The following ZSCAN29 variants were observed in gnomAD, a reference collection of about 807,000 sequenced individuals.
ZSCAN29 encodes zinc finger and SCAN domain containing 29.
Under a neutral mutation model 71.9 loss-of-function variants are expected in ZSCAN29, and 55 were observed. The observed-to-expected ratio is 0.76, with a 90% confidence interval of 0.62 to 0.96. The LOEUF is 0.96. ZSCAN29 is among the 40% of genes least tolerant of loss of function. The pLI is 0.00. For synonymous variants in ZSCAN29, 351 were observed against 371.6 expected (o/e 0.94, Z 0.64); for missense variants, 1,042 against 1,042.2 (o/e 1.00, Z 0.00).
At chr15:43,363,337 G>A (rs2044001742) in intron 5 of ZSCAN29, among the ~76,000 whole-genome samples, 2 of 152,092 alleles carry the variant, frequency 1.3e-5, no homozygotes, top group Non-Finnish European at 1.5e-5. Context: ...ATTCACATAC[G>A]TACACATATA....
intron 5 of ZSCAN29, 82 bp downstream of exon 5, chr15:43,363,833 C>T (rs764342092): frequency 2.6e-5 from 35 of 1,357,992 alleles, no homozygotes; most frequent in Non-Finnish European, 3.4e-5. Flanking sequence ...GTGTAGAGGC[C>T]AGTTCTCAAT....
At position 43,360,848 on chromosome 15, in the gene ZSCAN29, A is replaced by G. The variant is rs183095976; in HGVS notation, c.*225T>C. On this transcript the variant is annotated 3_prime_UTR_variant, in exon 6 of 6. Transcript: ENST00000684362. ...GAGAGGGAAAAGATGTTATCCATCA[A>G]TTCAGATGCAGGCAAAGAGAGGGAC... is the stretch of plus-strand genomic sequence containing the variant. The G allele has an allele frequency of 3.3e-5, 18 of 552,740 alleles. No individual in the cohort carries two copies. The highest frequency in any genetic ancestry group is 7.4e-5 in the African/African-American group (4 of 53,714). 34.2% of individuals were successfully genotyped at this position (552,740 alleles called of 1,614,324 possible).
chr15:43,362,101 TA>T (rs2043988347), intron 5 of ZSCAN29, among the ~76,000 whole-genome samples, 160 bp from the exon 6 acceptor site: 1 of 152,234 alleles, frequency 6.6e-6, no homozygotes. Context: ...CCCAATGTTT[TA>T]CTTCTCTACT....
In ZSCAN29 at chr15:43,371,001, C is replaced by T. The variant is rs1595471716; in HGVS notation, c.-556G>A. ...CCCCGGCCCCGGCCCCGGCCCCGGC[C>T]CCGGCTCTCCAGCCTCCCAAGTACA... On this transcript the variant is annotated 5_prime_UTR_variant, in exon 1 of 6. Transcript: ENST00000684362. The T allele has an allele frequency of 3.1e-6, 1 of 317,660 alleles. No individual in the cohort carries two copies. Among genetic ancestry groups the T allele is most frequent in the South Asian group, 3.4e-5 (1 of 29,182 alleles). The allele number at this position is 317,660 out of a possible 1,614,324, so 19.7% of individuals were successfully genotyped here. A position where few individuals can be genotyped will look rare whatever the true frequency, so the allele number is the denominator to read the frequency against.
At chr15:43,367,050 A>G (rs2044046929) in intron 3 of ZSCAN29, among the ~76,000 whole-genome samples, 1 of 152,230 alleles carries the variant, frequency 6.6e-6, no homozygotes, top group Non-Finnish European at 1.5e-5. Flanking sequence ...GTGTGTTCAG[A>G]GCAGATAATT....
At chr15:43,363,551 A>G (rs1409390346) in intron 5 of ZSCAN29, among the ~76,000 whole-genome samples, 1 of 152,242 alleles carries the variant, frequency 6.6e-6, no homozygotes, top group African/African-American at 2.4e-5. Flanking sequence ...AAGACATATA[A>G]AAGAGAATGA....
rs945112306 is a variant in ZSCAN29 at position 43,371,019 on chromosome 15, C to G, written c.-574G>C. The G allele has an allele frequency of 1.0e-5, 4 of 401,654 alleles. No individual in the cohort carries two copies. The highest frequency in any genetic ancestry group is 3.9e-5 in the Admixed American group (1 of 25,970). The allele number at this position is 401,654 out of a possible 1,614,324, so 24.9% of individuals were successfully genotyped here. A position where few individuals can be genotyped will look rare whatever the true frequency, so the allele number is the denominator to read the frequency against. ...CCCCGGCCCCGGCTCTCCAGCCTCCCAAGTACAGCTCCCAAACCGGAAGTC... is the reference window on the plus strand; with the variant it reads ...CCCCGGCCCCGGCTCTCCAGCCTCCGAAGTACAGCTCCCAAACCGGAAGTC... On this transcript the variant is annotated 5_prime_UTR_variant, in exon 1 of 6. Transcript: ENST00000684362.
chr15:43,370,113 C>T (rs2044087026), intron 1 of ZSCAN29, 88 bp from the exon 2 acceptor site: 3 of 597,624 alleles, frequency 5.0e-6, no homozygotes, highest in Non-Finnish European at 5.7e-6. Flanking sequence ...CCATGTGCTC[C>T]GAGTGGCCTT....
chr15:43,359,322 T>G lies in ZSCAN29; in HGVS notation c.*1751A>C, dbSNP rs2043959817. On this transcript the variant is annotated 3_prime_UTR_variant, in exon 6 of 6. Coordinates refer to ENST00000684362, the MANE Select transcript of ZSCAN29 (RefSeq NM_001372080.1). Reference sequence around the variant, plus strand: ...CATGTCAGTGTCATCTGCTTTAGATTGTAAGGACAAGGAGAGGACCTGTTG... The same window carrying G: ...CATGTCAGTGTCATCTGCTTTAGATGGTAAGGACAAGGAGAGGACCTGTTG... 1 of 152,274 alleles carries G rather than the reference T, an allele frequency of 6.6e-6. No homozygotes were observed. Among genetic ancestry groups the G allele is most frequent in the Admixed American group, 6.5e-5 (1 of 15,286 alleles). 9.4% of individuals were successfully genotyped at this position (152,274 alleles called of 1,614,324 possible).
Position 43,370,025 on chromosome 15 carries a change from C to G in ZSCAN29, c.-112G>C. The G allele has an allele frequency of 8.9e-7, 1 of 1,121,466 alleles. No homozygotes were observed. Among genetic ancestry groups the G allele is most frequent in the Non-Finnish European group, 1.3e-6 (1 of 797,374 alleles). 69.5% of individuals were successfully genotyped at this position (1,121,466 alleles called of 1,614,324 possible). On this transcript the variant is annotated splice_region_variant and 5_prime_UTR_variant, in exon 2 of 6. Transcript: ENST00000684362. ...CAGATGACTGTAAGAGGTGTTTCTTCCTAGGGCAGAGAAAGATGGCACTAT... is the reference window on the plus strand; with the variant it reads ...CAGATGACTGTAAGAGGTGTTTCTTGCTAGGGCAGAGAAAGATGGCACTAT...
chr15:43,368,814 A>G, intron 3 of ZSCAN29, 109 bp downstream of exon 3: 1 of 1,020,604 alleles, frequency 9.8e-7, no homozygotes, highest in Non-Finnish European at 1.4e-6. Context: ...ACAACCACAT[A>G]TTCTGCAATT....
At chr15:43,365,629 T>C (rs1306387001) in intron 4 of ZSCAN29, among the ~76,000 whole-genome samples, 1 of 152,234 alleles carries the variant, frequency 6.6e-6, no homozygotes, top group Non-Finnish European at 1.5e-5. Context: ...GAAAAAAATG[T>C]TTCCCCAACT....
intron 4 of ZSCAN29, chr15:43,364,605 T>C (rs1341248274): frequency 1.3e-5 from 8 of 610,216 alleles, no homozygotes; most frequent in Non-Finnish European, 2.1e-5. Context: ...AAATTCTGTT[T>C]AGCCATATAA....
Position 43,360,916 on chromosome 15 carries a change from G to T in ZSCAN29, c.*157C>A. On this transcript the variant is annotated 3_prime_UTR_variant, in exon 6 of 6. Coordinates refer to ENST00000684362, the MANE Select transcript of ZSCAN29 (RefSeq NM_001372080.1). ...TCTTTAGACTGCCTTGGGGATTTGA[G>T]TCTAGATCAGGAAAAACAAGGAACA... 1 of 1,027,206 alleles carries T rather than the reference G, an allele frequency of 9.7e-7. No homozygotes were observed. Among genetic ancestry groups the T allele is most frequent in the Non-Finnish European group, 1.4e-6 (1 of 707,692 alleles). 63.6% of individuals were successfully genotyped at this position (1,027,206 alleles called of 1,614,324 possible).
chr15:43,361,263 T>TG lies in ZSCAN29; in HGVS notation c.2368dup (p.His790ProfsTer5), dbSNP rs749581225. ...ACTCTTTCCACAGTCAGGACACACATGGGGTCTCTCTCCTGTGTGTATCCT... is the reference window on the plus strand; with the variant it reads ...ACTCTTTCCACAGTCAGGACACACATGGGGGTCTCTCTCCTGTGTGTATCCT... On this transcript the variant is annotated frameshift_variant, in exon 6 of 6. Coordinates refer to ENST00000684362, the MANE Select transcript of ZSCAN29 (RefSeq NM_001372080.1). LOFTEE classifies it high-confidence loss of function. 7.4e-6 allele frequency: 12 copies of TG among 1,613,978 alleles called. No homozygotes were observed. Among genetic ancestry groups the TG allele is most frequent in the Non-Finnish European group, 1.0e-5 (12 of 1,179,976 alleles).
Position 43,361,765 on chromosome 15 carries a change from C to CAA in ZSCAN29, c.1866_1867insTT (p.Glu623LeufsTer7), listed in dbSNP as rs760237526. The CAA allele has an allele frequency of 6.2e-7, 1 of 1,614,046 alleles. No individual in the cohort carries two copies. The highest frequency in any genetic ancestry group is 1.7e-5 in the Admixed American group (1 of 59,996). ...GGGAGTGTCAGTTTTCCTCTTTTCT[C>CAA]CCCTGAGGTCTTTGCCCACTGTCTT... On this transcript the variant is annotated frameshift_variant, in exon 6 of 6. Transcript: ENST00000684362. LOFTEE classifies it high-confidence loss of function.
At position 43,360,870 on chromosome 15, in the gene ZSCAN29, G is replaced by A. The variant is rs1014056658; in HGVS notation, c.*203C>T. On this transcript the variant is annotated 3_prime_UTR_variant, in exon 6 of 6. Transcript: ENST00000684362. ...TCAATTCAGATGCAGGCAAAGAGAG[G>A]GACTGAAATCTTCCTTTCATTCTTT... 2 of 637,972 alleles carry A rather than the reference G, an allele frequency of 3.1e-6. No homozygotes were observed. Among genetic ancestry groups the A allele is most frequent in the African/African-American group, 3.6e-5 (2 of 55,508 alleles). 39.5% of individuals were successfully genotyped at this position (637,972 alleles called of 1,614,324 possible).
In ZSCAN29 at chr15:43,361,310, A is replaced by T; in HGVS notation, c.2322T>A (p.Ser774Arg). The T allele has an allele frequency of 1.2e-6, 2 of 1,614,032 alleles. No individual in the cohort carries two copies. Among genetic ancestry groups the T allele is most frequent in the Non-Finnish European group, 1.7e-6 (2 of 1,179,990 alleles). Residue 774 changes from serine (S) to arginine (R), a missense_variant, in exon 6 of 6, where the codon AGT (serine) becomes AGA (arginine). Transcript: ENST00000684362. The stretch of plus-strand genomic sequence containing the variant: ...TCCTCCGATGTGCACTAAAATGAGA[A>T]CTGTTATTGAAGCTTTTTCCACACT... ...CEECGKSFNN[S>R]SHFSAHRRIH...
In ZSCAN29 at chr15:43,361,947, G is replaced by A. The variant is rs528044686; in HGVS notation, c.1691-6C>T. 5.0e-6 allele frequency: 8 copies of A among 1,597,740 alleles called. No individual in the cohort carries two copies. In the South Asian group the frequency reaches 5.6e-5, roughly 11 times the overall value. ...CTCAAATCCAGCTTCAAAACCTGAT[G>A]TAAAACAGAATTTTAGAAGTTATCT... On this transcript the variant is annotated splice_polypyrimidine_tract_variant and splice_region_variant and intron_variant, in intron 5 of 5. Coordinates refer to ENST00000684362, the MANE Select transcript of ZSCAN29 (RefSeq NM_001372080.1).
Sources: gnomAD v4.1 joint callset for allele counts (sites outside exome capture counted in the v4.1 genomes callset) on GRCh38, gnomAD v4.1.1 for gene constraint, MANE v1.5 for transcripts, NCBI Gene and HGNC (gene_info 2026-07-23, HGNC 2026-07-21) for gene names.